PACSIN2: variants seen among roughly 807,000 people sequenced by gnomAD.
The protein encoded by PACSIN2 is protein kinase C and casein kinase substrate in neurons 2.
Under a neutral mutation model 63.8 loss-of-function variants are expected in PACSIN2, and 25 were observed. The observed-to-expected ratio is 0.39, with a 90% CI of 0.29 to 0.55. The LOEUF is 0.55. PACSIN2 is among the 20% of genes least tolerant of loss of function. The pLI is 0.62. For synonymous variants in PACSIN2, 255 were observed against 256.2 expected (o/e 1.00, Z 0.05); for missense variants, 518 against 646.9 (o/e 0.80, Z 2.16).
chr22:42,910,559 G>A (rs1160726980), intron 2 of PACSIN2, among the ~76,000 whole-genome samples: 1 of 152,136 alleles, frequency 6.6e-6, no homozygotes, highest in Non-Finnish European at 1.5e-5. Context: ...TCCAAACCAC[G>A]TCGTGTAACT....
chr22:42,992,972 T>C (rs933810758), intron 1 of PACSIN2, among the ~76,000 whole-genome samples: 1 of 152,168 alleles, frequency 6.6e-6, no homozygotes, highest in African/African-American at 2.4e-5. Context: ...GAGACCAGCC[T>C]GGGCAACACA....
intron 1 of PACSIN2, among the ~76,000 whole-genome samples, chr22:42,950,740 A>G (rs1933653937): frequency 6.6e-6 from 1 of 152,258 alleles, no homozygotes; most frequent in Non-Finnish European, 1.5e-5. Context: ...AAAAAAGTCC[A>G]GATGGCTATG....
intron 1 of PACSIN2, among the ~76,000 whole-genome samples, chr22:42,917,605 A>G (rs1931895379): frequency 6.7e-6 from 1 of 149,174 alleles, no homozygotes; most frequent in Non-Finnish European, 1.5e-5. Context: ...ACAGAGCAAG[A>G]CCCTATCTCA....
chr22:42,911,244 G>C (rs568518124), intron 2 of PACSIN2, among the ~76,000 whole-genome samples: 1 of 151,778 alleles, frequency 6.6e-6, no homozygotes, highest in Non-Finnish European at 1.5e-5. Context: ...AAGCTCCAGG[G>C]GTTTTGCCAC....
intron 1 of PACSIN2, among the ~76,000 whole-genome samples, chr22:43,011,127 T>C (rs190051554): frequency 6.6e-6 from 1 of 152,334 alleles, no homozygotes; most frequent in African/African-American, 2.4e-5. Flanking sequence ...CTGGAGTCTG[T>C]CTGGGGCAGG....
intron 1 of PACSIN2, among the ~76,000 whole-genome samples, chr22:42,950,164 T>C (rs986441922): frequency 2.0e-5 from 3 of 152,096 alleles, no homozygotes; most frequent in African/African-American, 7.2e-5. Context: ...AACAATACGG[T>C]ATAACTATTT....
intron 6 of PACSIN2, among the ~76,000 whole-genome samples, chr22:42,883,686 C>A (rs149389867): frequency 9.2e-5 from 14 of 152,230 alleles, no homozygotes; most frequent in Admixed American, 3.9e-4. Flanking sequence ...CCAGAAATGC[C>A]AGATTCACCT....
At chr22:42,876,854 G>A (rs753751066) in intron 9 of PACSIN2, 34 bp downstream of exon 9, 14 of 1,613,470 alleles carry the variant, frequency 8.7e-6, no homozygotes, top group Admixed American at 8.3e-5. Context: ...CAGAGTGAGC[G>A]CGGTGGGAGC....
At chr22:42,963,251 G>A (rs1920929384) in intron 1 of PACSIN2, among the ~76,000 whole-genome samples, 1 of 152,176 alleles carries the variant, frequency 6.6e-6, no homozygotes, top group African/African-American at 2.4e-5. Flanking sequence ...ATAAAATGAG[G>A]GACATCTCGT....
intron 1 of PACSIN2, among the ~76,000 whole-genome samples, chr22:42,914,489 C>A (rs1328215028): frequency 6.6e-6 from 1 of 152,224 alleles, no homozygotes; most frequent in Non-Finnish European, 1.5e-5. Flanking sequence ...CCCACCTTGC[C>A]CTCCCGAAGT....
At chr22:42,926,373 G>A (rs918343840) in intron 1 of PACSIN2, among the ~76,000 whole-genome samples, 6 of 152,094 alleles carry the variant, frequency 3.9e-5, no homozygotes, top group African/African-American at 1.4e-4. Flanking sequence ...GGTGCTTCCA[G>A]AGATTAAAAA....
At chr22:42,961,014 C>A (rs1438486053) in intron 1 of PACSIN2, among the ~76,000 whole-genome samples, 2 of 152,212 alleles carry the variant, frequency 1.3e-5, no homozygotes, top group African/African-American at 4.8e-5. Flanking sequence ...CTCCCCCATT[C>A]CCCTTGGCAA....
chr22:42,931,701 G>C (rs1932781996), intron 1 of PACSIN2, among the ~76,000 whole-genome samples: 1 of 152,180 alleles, frequency 6.6e-6, no homozygotes, highest in South Asian at 2.1e-4. Flanking sequence ...GCTAGGCTGA[G>C]AACTATTTCA....
intron 1 of PACSIN2, among the ~76,000 whole-genome samples, chr22:42,991,016 A>G (rs1235083985): frequency 6.6e-6 from 1 of 152,168 alleles, no homozygotes; most frequent in Non-Finnish European, 1.5e-5. Flanking sequence ...TTCTATACAC[A>G]AAGTGCTTAC....
chr22:42,986,324 T>C (rs970783586), intron 1 of PACSIN2, among the ~76,000 whole-genome samples: 1 of 152,188 alleles, frequency 6.6e-6, no homozygotes, highest in Non-Finnish European at 1.5e-5. Context: ...GTAAGCACCC[T>C]GGCTGTTTGG....
intron 1 of PACSIN2, among the ~76,000 whole-genome samples, chr22:42,965,819 C>T (rs1007756806): frequency 6.6e-6 from 1 of 152,086 alleles, no homozygotes. Context: ...GGCTGCTAGA[C>T]AGTAAACCAG....
In PACSIN2 at chr22:42,884,548, T is replaced by C. The variant is rs1445291459; in HGVS notation, c.623A>G (p.Tyr208Cys). ...KQDVLKTKEK[Y>C]EKSLKELDQG... ...GTCGAGTTCCTTCAGGGACTTCTCA[T>C]ACTTCTCTTTGGTCTAAAGGAAAAT... Residue 208 changes from tyrosine to cysteine, a missense_variant, in exon 6 of 11, where the codon TAT becomes TGT. Physicochemically the swap from Tyr to Cys is radical, Grantham distance 194 (BLOSUM62 -2). Coordinates refer to ENST00000263246, the MANE Select transcript of PACSIN2 (RefSeq NM_001184970.3). The C allele has an allele frequency of 1.2e-6, 2 of 1,613,688 alleles. No individual in the cohort carries two copies. The highest frequency in any genetic ancestry group is 1.7e-6 in the Non-Finnish European group (2 of 1,179,822).
chr22:42,900,382 C>T (rs1362534477), intron 2 of PACSIN2, among the ~76,000 whole-genome samples: 1 of 152,212 alleles, frequency 6.6e-6, no homozygotes, highest in Non-Finnish European at 1.5e-5. Flanking sequence ...CCATACTTGG[C>T]CAGGCAGGGT....
chr22:42,925,410 G>A (rs1932474554), intron 1 of PACSIN2, among the ~76,000 whole-genome samples: 1 of 151,896 alleles, frequency 6.6e-6, no homozygotes, highest in South Asian at 2.1e-4. Context: ...AACCTGGCAG[G>A]CAGAGGTTGC....
Sources: allele counts gnomAD v4.1 joint callset (sites outside exome capture counted in the v4.1 genomes callset), GRCh38; gene constraint gnomAD v4.1.1; transcripts MANE v1.5; gene names NCBI Gene and HGNC (gene_info 2026-07-23, HGNC 2026-07-21).